Variants in IFT140 observed in about 807,000 individuals in gnomAD.
The protein encoded by IFT140 is intraflagellar transport 140.
IFT140 carries 133 observed loss-of-function variants against 164.6 expected under a neutral mutation model. The ratio of observed to expected loss-of-function variants is 0.81; its 90% CI spans 0.70 to 0.93. The LOEUF is 0.93. Ranked by LOEUF, IFT140 falls within the 40% of genes least tolerant of loss-of-function variation. IFT140 has a pLI of 0.00. For missense variants in IFT140, 2,045 were observed against 1,972.3 expected (o/e 1.04, Z -0.70); for synonymous variants, 860 against 817.3 (o/e 1.05, Z -0.89).
chr16:1,557,243 G>C (rs1289834621), intron 19 of IFT140, among the ~76,000 whole-genome samples: 1 of 152,196 alleles, frequency 6.6e-6, no homozygotes, highest in Non-Finnish European at 1.5e-5. Context: ...GTGCAAACCG[G>C]AAAGAGCTCA....
intron 19 of IFT140, chr16:1,554,725 G>A: frequency 6.3e-7 from 1 of 1,595,822 alleles, no homozygotes; most frequent in East Asian, 2.2e-5. Flanking sequence ...GGCTGGGGAA[G>A]GAGTGGAACC....
intron 13 of IFT140, among the ~76,000 whole-genome samples, chr16:1,571,744 G>C (rs978013858): frequency 6.6e-6 from 1 of 152,194 alleles, no homozygotes; most frequent in Non-Finnish European, 1.5e-5. Context: ...CTAGTGCTGC[G>C]GGGGAAGGAC....
At chr16:1,607,032 A>G in intron 3 of IFT140, 88 bp downstream of exon 3, 1 of 1,320,132 alleles carries the variant, frequency 7.6e-7, no homozygotes, top group Non-Finnish European at 1.1e-6. Flanking sequence ...GCACACACAC[A>G]CATGTGCACA....
chr16:1,528,781 C>G (rs549157048), intron 19 of IFT140: 24 of 152,622 alleles, frequency 1.6e-4, no homozygotes, highest in African/African-American at 5.8e-4. Flanking sequence ...CACAGAGCCC[C>G]GAGCCCGTGG....
At chr16:1,583,015 A>T (rs2034658727) in intron 12 of IFT140, among the ~76,000 whole-genome samples, 1 of 152,240 alleles carries the variant, frequency 6.6e-6, no homozygotes, top group Non-Finnish European at 1.5e-5. Flanking sequence ...AAGACACCAC[A>T]GGTCTCACTG....
At chr16:1,534,707 G>A in intron 19 of IFT140, 1 of 1,154,712 alleles carries the variant, frequency 8.7e-7, no homozygotes, top group Non-Finnish European at 1.2e-6. Flanking sequence ...GGGGCACTGT[G>A]TCTCCCAGGG....
At chr16:1,526,527 A>C in intron 20 of IFT140, 92 bp downstream of exon 20, 1 of 1,281,880 alleles carries the variant, frequency 7.8e-7, no homozygotes, top group Non-Finnish European at 1.0e-6. Flanking sequence ...GTGCAGGCTC[A>C]GGCCGGTGGG....
chr16:1,601,036 G>A (rs1035813871), intron 4 of IFT140, among the ~76,000 whole-genome samples: 1 of 152,110 alleles, frequency 6.6e-6, no homozygotes, highest in South Asian at 2.1e-4. Context: ...GCCGAGGCAG[G>A]CAGATCTCTT....
intron 3 of IFT140, chr16:1,604,390 G>GCATTAATT (rs2035957608): frequency 6.6e-6 from 1 of 151,510 alleles, no homozygotes; most frequent in Admixed American, 6.6e-5. Context: ...TTACAAAAAT[G>GCATTAATT]GATGAAGGAG....
intron 19 of IFT140, among the ~76,000 whole-genome samples, chr16:1,552,562 A>G (rs1365941244): frequency 1.3e-5 from 2 of 151,698 alleles, no homozygotes; most frequent in Non-Finnish European, 2.9e-5. Context: ...AAGCATCGAT[A>G]CCACACAATC....
In IFT140 at chr16:1,520,121, G is replaced by A; in HGVS notation, c.3873+10C>T. The stretch of plus-strand genomic sequence containing the variant: ...CGGGGCCCCGCTGGCATGCCAGGGA[G>A]GGCCTGCACCTGGGCACAAGCGTCA... On this transcript the variant is annotated intron_variant, in intron 28 of 30. Transcript: ENST00000426508. 1 of 1,612,866 alleles carries A rather than the reference G, an allele frequency of 6.2e-7. No homozygotes were observed.
chr16:1,591,133 C>T (rs947074901), intron 6 of IFT140, among the ~76,000 whole-genome samples: 2 of 152,220 alleles, frequency 1.3e-5, no homozygotes, highest in African/African-American at 2.4e-5. Context: ...TCCCGGACAA[C>T]CGGCAGGAAT....
At chr16:1,606,380 G>C (rs903363814) in intron 3 of IFT140, among the ~76,000 whole-genome samples, 1 of 152,254 alleles carries the variant, frequency 6.6e-6, no homozygotes, top group Non-Finnish European at 1.5e-5. Flanking sequence ...AAAATAGCCA[G>C]CGTGAAAGAA....
intron 4 of IFT140, 31 bp downstream of exon 4, chr16:1,602,339 T>C: frequency 1.3e-6 from 2 of 1,594,938 alleles, no homozygotes; most frequent in Non-Finnish European, 1.7e-6. Flanking sequence ...GGTCAAGGTC[T>C]GAAAACAGCG....
intron 19 of IFT140, among the ~76,000 whole-genome samples, chr16:1,529,524 C>T (rs1195727100): frequency 6.6e-6 from 1 of 152,224 alleles, no homozygotes; most frequent in African/African-American, 2.4e-5. Flanking sequence ...ATCTCCGATT[C>T]GCGCTCCTCA....
At chr16:1,527,351 G>A (rs758967232) in intron 19 of IFT140, among the ~76,000 whole-genome samples, 6 of 152,116 alleles carry the variant, frequency 3.9e-5, no homozygotes, top group Non-Finnish European at 8.8e-5. Flanking sequence ...CCCAGCCCAC[G>A]CAGGGTTCTG....
At chr16:1,517,886 G>A (rs2040410318) in intron 30 of IFT140, among the ~76,000 whole-genome samples, 1 of 152,024 alleles carries the variant, frequency 6.6e-6, no homozygotes, top group Admixed American at 6.6e-5. Flanking sequence ...CACCCAGGCT[G>A]GAGTGCAGTG....
At chr16:1,537,317 C>G (rs2031176884) in intron 19 of IFT140, among the ~76,000 whole-genome samples, 2 of 152,244 alleles carry the variant, frequency 1.3e-5, no homozygotes, top group Non-Finnish European at 2.9e-5. Context: ...GCGTGGATGT[C>G]TCCGGACGGC....
intron 7 of IFT140, 100 bp from the exon 8 acceptor site, chr16:1,588,124 G>GA: frequency 1.1e-6 from 1 of 872,532 alleles, no homozygotes. Context: ...ACTTCATGGA[G>GA]ACTCACCAAG....
Sources: allele counts gnomAD v4.1 joint callset (sites outside exome capture counted in the v4.1 genomes callset), GRCh38; gene constraint gnomAD v4.1.1; transcripts MANE v1.5; gene names NCBI Gene and HGNC (gene_info 2026-07-23, HGNC 2026-07-21).